The following ATP8A1 variants were observed in gnomAD, a reference collection of about 807,000 sequenced individuals.
The protein encoded by ATP8A1 is ATPase phospholipid transporting 8A1.
A neutral mutation model predicts 177.7 loss-of-function variants in ATP8A1; 90 were observed. The ratio of observed to expected loss-of-function variants is 0.51; its 90% CI spans 0.43 to 0.60. The LOEUF (loss-of-function observed/expected upper bound fraction) is 0.60. Ranked by LOEUF, ATP8A1 falls within the 20% of genes least tolerant of loss-of-function variation. The pLI is 0.00. For missense variants in ATP8A1, 1,072 were observed against 1,392.8 expected (o/e 0.77, Z 3.67); for synonymous variants, 493 against 485.9 (o/e 1.01, Z -0.19).
chr4:42,623,874 C>A (rs140793762), intron 4 of ATP8A1, among the ~76,000 whole-genome samples: 2,422 of 152,116 alleles, frequency 0.016, 54 homozygotes, highest in African/African-American at 0.053. Flanking sequence ...CCTTCTCTCT[C>A]TCTATATATA....
chr4:42,644,944 A>AT (rs1274747829), intron 1 of ATP8A1, among the ~76,000 whole-genome samples: 1 of 152,106 alleles, frequency 6.6e-6, no homozygotes, highest in Non-Finnish European at 1.5e-5. Context: ...TCATTATGCT[A>AT]TTTTTTTCAG....
chr4:42,587,162 C>CAAGATGAGT (rs1733691510), intron 8 of ATP8A1, among the ~76,000 whole-genome samples: 1 of 152,088 alleles, frequency 6.6e-6, no homozygotes, highest in South Asian at 2.1e-4. Flanking sequence ...AACTATTCCC[C>CAAGATGAGT]AAGATGAGTA....
chr4:42,556,330 ATAAAAC>A, intron 15 of ATP8A1: 1 of 228,024 alleles, frequency 4.4e-6, no homozygotes, highest in Non-Finnish European at 8.4e-6. Context: ...TTGTAAAAAT[ATAAAAC>A]TAAAACTATT....
At chr4:42,439,216 G>A (rs1455099309) in intron 33 of ATP8A1, among the ~76,000 whole-genome samples, 1 of 152,120 alleles carries the variant, frequency 6.6e-6, no homozygotes, top group East Asian at 1.9e-4. Context: ...ACGCAGTAAA[G>A]AGAGGCATAC....
At chr4:42,507,707 G>C (rs1578071779) in intron 22 of ATP8A1, among the ~76,000 whole-genome samples, 1 of 113,228 alleles carries the variant, frequency 8.8e-6, no homozygotes, top group Admixed American at 1.3e-4. Flanking sequence ...TCCAGCCTGG[G>C]CAAGAGAGCG....
At chr4:42,584,930 C>T (rs572572590) in intron 9 of ATP8A1, among the ~76,000 whole-genome samples, 2 of 152,198 alleles carry the variant, frequency 1.3e-5, no homozygotes, top group Non-Finnish European at 2.9e-5. Flanking sequence ...CAATGGCCTA[C>T]AAAGCCCATA....
chr4:42,551,192 A>G lies in ATP8A1; in HGVS notation c.1602+6T>C, dbSNP rs201303623. On this transcript the variant is annotated splice_donor_region_variant and intron_variant, in intron 18 of 36. Coordinates refer to ENST00000381668, the MANE Select transcript of ATP8A1 (RefSeq NM_006095.2). ...TTAAAAAGAACCTTAAAAACAACTA[A>G]CTTACTGAATCTATAATCACCGAGT... is the stretch of plus-strand genomic sequence containing the variant. 1 of 1,610,008 alleles carries G rather than the reference A, an allele frequency of 6.2e-7. No individual in the cohort carries two copies. The highest frequency in any genetic ancestry group is 8.5e-7 in the Non-Finnish European group (1 of 1,176,416).
Position 42,485,532 on chromosome 4 carries a change from T to G in ATP8A1, c.2288A>C (p.Asp763Ala). 1 of 1,613,204 alleles carries G rather than the reference T, an allele frequency of 6.2e-7. No homozygotes were observed. The highest frequency in any genetic ancestry group is 8.5e-7 in the Non-Finnish European group (1 of 1,179,640). The part of the protein sequence containing the change: ...LTFGVRQYFL[D>A]LALSCKAVIC... ...GACAGCTTTGCATGACAAAGCTAAGTCCAGGAAATACTGTCGTACTCCAAA... is the reference window on the plus strand; with the variant it reads ...GACAGCTTTGCATGACAAAGCTAAGGCCAGGAAATACTGTCGTACTCCAAA... The change falls in exon 25 of 37, where the codon GAC (aspartate) becomes GCC (alanine). Residue 763 changes from aspartate (D) to alanine (A), a missense_variant. By Grantham distance (126) the Asp-to-Ala change is moderately radical. This residue lies in a region of ATP8A1 where 388 missense variants were observed against 471.7 expected (regional missense o/e 0.82). Coordinates refer to ENST00000381668, the MANE Select transcript of ATP8A1 (RefSeq NM_006095.2).
At chr4:42,591,608 G>A (rs1185547908) in intron 6 of ATP8A1, among the ~76,000 whole-genome samples, 1 of 152,038 alleles carries the variant, frequency 6.6e-6, no homozygotes, top group Non-Finnish European at 1.5e-5. Flanking sequence ...TTCAGAGAGG[G>A]TATGAAATAG....
At chr4:42,580,951 A>C (rs1732972474) in intron 10 of ATP8A1, among the ~76,000 whole-genome samples, 2 of 152,220 alleles carry the variant, frequency 1.3e-5, no homozygotes, top group African/African-American at 4.8e-5. Context: ...TAAAAAGTTG[A>C]CTATTGCATT....
rs1729609369 is a variant in ATP8A1 at position 42,552,535 on chromosome 4, C to A, written c.1489G>T (p.Asp497Tyr). The A allele has an allele frequency of 6.2e-7, 1 of 1,612,954 alleles. No homozygotes were observed. Among genetic ancestry groups the A allele is most frequent in the Non-Finnish European group, 8.5e-7 (1 of 1,179,594 alleles). Residue 497 changes from aspartate (D) to tyrosine (Y), a missense_variant, in exon 17 of 37, where the codon GAC (aspartate) becomes TAC (tyrosine). Physicochemically the swap from Asp to Tyr is radical, Grantham distance 160. Around this residue, in one of 5 missense-constraint regions of ATP8A1, gnomAD observed 388 missense variants for 471.7 expected, o/e 0.82. Coordinates refer to ENST00000381668, the MANE Select transcript of ATP8A1 (RefSeq NM_006095.2). ...CHTAVPEREGDKIIYQAASPD... is the reference protein window; with the variant it reads ...CHTAVPEREGYKIIYQAASPD... ...GATGCTGCTTGATAAATAATCTTGT[C>A]ACCTTCTCGCTCTGGCACTGCTGTG...
intron 1 of ATP8A1, 24 bp from the exon 2 acceptor site, chr4:42,627,133 T>C (rs1738193611): frequency 9.0e-6 from 14 of 1,557,248 alleles, no homozygotes; most frequent in Non-Finnish European, 1.2e-5. Flanking sequence ...CTTCTTATTG[T>C]ACAAGAAATG....
In ATP8A1 at chr4:42,455,615, C is replaced by A; in HGVS notation, c.2620-16G>T. On this transcript the variant is annotated splice_polypyrimidine_tract_variant and intron_variant, in intron 27 of 36. Transcript: ENST00000381668. ...CAAACCAGATCTAGGAAAAAAAACCCAAAACCCCCAAATTAGAATACAAAA... is the reference window on the plus strand; with the variant it reads ...CAAACCAGATCTAGGAAAAAAAACCAAAAACCCCCAAATTAGAATACAAAA... The A allele has an allele frequency of 6.2e-7, 1 of 1,607,966 alleles. No homozygotes were observed. Among genetic ancestry groups the A allele is most frequent in the Non-Finnish European group, 8.5e-7 (1 of 1,177,716 alleles).
chr4:42,615,951 T>C (rs770329474), intron 5 of ATP8A1, 82 bp downstream of exon 5: 11 of 1,297,128 alleles, frequency 8.5e-6, no homozygotes, highest in Non-Finnish European at 9.8e-6. Flanking sequence ...CTATTTGCAA[T>C]TGAATTATAT....
intron 20 of ATP8A1, among the ~76,000 whole-genome samples, chr4:42,526,227 T>G (rs1261288157): frequency 6.6e-6 from 1 of 152,140 alleles, no homozygotes; most frequent in Non-Finnish European, 1.5e-5. Flanking sequence ...TTCTTTATAG[T>G]GTTGAGAAAA....
intron 5 of ATP8A1, among the ~76,000 whole-genome samples, chr4:42,615,551 C>A (rs977691089): frequency 6.6e-6 from 1 of 152,168 alleles, no homozygotes; most frequent in East Asian, 1.9e-4. Context: ...AAGAGCTGTG[C>A]CAAAATGCCA....
At chr4:42,455,026 G>A (rs903108572) in intron 29 of ATP8A1, among the ~76,000 whole-genome samples, 2 of 152,190 alleles carry the variant, frequency 1.3e-5, no homozygotes, top group Middle Eastern at 3.4e-3. Context: ...ATTTTTATAC[G>A]TCAGGCCAGC....
At position 42,443,600 on chromosome 4, in the gene ATP8A1, GC is replaced by G; in HGVS notation, c.3087del (p.Trp1029CysfsTer75). 1 of 1,518,428 alleles carries G rather than the reference GC, an allele frequency of 6.6e-7. No individual in the cohort carries two copies. The highest frequency in any genetic ancestry group is 9.2e-7 in the Non-Finnish European group (1 of 1,092,794). 94.1% of individuals were successfully genotyped at this position (1,518,428 alleles called of 1,614,324 possible). A position where few individuals can be genotyped will look rare whatever the true frequency, so the allele number is the denominator to read the frequency against. ...VVFFGIYSSL[W>X]PAIPMAPDMS... Reference sequence around the variant, plus strand: ...ATATCAGGGGCCATCGGAATGGCAGGCCACAGAGATGAGTAGATTCCAAAAA... The same window carrying G: ...ATATCAGGGGCCATCGGAATGGCAGGCACAGAGATGAGTAGATTCCAAAAA... On this transcript the variant is annotated frameshift_variant, in exon 33 of 37. Transcript: ENST00000381668. LOFTEE classifies it high-confidence loss of function.
chr4:42,500,860 T>A (rs917987773), intron 24 of ATP8A1, among the ~76,000 whole-genome samples: 1 of 151,946 alleles, frequency 6.6e-6, no homozygotes, highest in Admixed American at 6.6e-5. Flanking sequence ...TGAAGAGTTA[T>A]TTTTTTTAAG....
Sources: allele counts gnomAD v4.1 joint callset (sites outside exome capture counted in the v4.1 genomes callset), GRCh38; gene constraint gnomAD v4.1.1; regional missense constraint gnomAD v4.1.1; transcripts MANE v1.5; gene names NCBI Gene and HGNC (gene_info 2026-07-23, HGNC 2026-07-21).